Variants in NYAP2 observed in about 807,000 individuals in gnomAD.
The protein encoded by NYAP2 is neuronal tyrosine-phosphorylated phosphoinositide-3-kinase adaptor 2.
NYAP2 carries 23 observed loss-of-function variants against 50.4 expected under a neutral mutation model. That is an observed-to-expected ratio of 0.46 (90% CI 0.33 to 0.65). The LOEUF (loss-of-function observed/expected upper bound fraction) is 0.65, where lower values mean the gene tolerates loss of function less well. Ranked by LOEUF, NYAP2 falls within the 30% of genes least tolerant of loss-of-function variation. NYAP2 has a pLI of 0.02. For missense variants in NYAP2, 885 were observed against 861.0 expected (o/e 1.03, Z -0.35); for synonymous variants, 394 against 365.2 (o/e 1.08, Z -0.90).
chr2:225,619,019 T>C (rs916066396), intron 5 of NYAP2, among the ~76,000 whole-genome samples: 5 of 152,172 alleles, frequency 3.3e-5, no homozygotes, highest in Non-Finnish European at 1.5e-5. Context: ...ATGACATAGA[T>C]TAGACGATTG....
At chr2:225,463,136 G>A (rs1302686392) in intron 3 of NYAP2, among the ~76,000 whole-genome samples, 1 of 152,214 alleles carries the variant, frequency 6.6e-6, no homozygotes, top group Non-Finnish European at 1.5e-5. Flanking sequence ...CTAACACTGT[G>A]GATTCCAAAC....
At chr2:225,576,211 G>T (rs1009743956) in intron 4 of NYAP2, among the ~76,000 whole-genome samples, 4 of 152,198 alleles carry the variant, frequency 2.6e-5, no homozygotes, top group Non-Finnish European at 4.4e-5. Context: ...TGACCACACT[G>T]TTGAGCCAGT....
At chr2:225,428,228 G>A (rs925905035) in intron 3 of NYAP2, among the ~76,000 whole-genome samples, 1 of 152,060 alleles carries the variant, frequency 6.6e-6, no homozygotes, top group African/African-American at 2.4e-5. Context: ...ATTCATTTTT[G>A]TCCCAGTCAT....
At chr2:225,492,476 T>G (rs755331512) in intron 3 of NYAP2, among the ~76,000 whole-genome samples, 18 of 152,204 alleles carry the variant, frequency 1.2e-4, no homozygotes, top group Non-Finnish European at 2.5e-4. Flanking sequence ...AATAAACTTG[T>G]CACATAAGAA....
At chr2:225,661,648 C>T in the NYAP2 span, among the ~76,000 whole-genome samples, 1 of 152,072 alleles carries the variant, frequency 6.6e-6, no homozygotes, top group Non-Finnish European at 1.5e-5. Flanking sequence ...AGATATAAAA[C>T]CAGGTAGTTC....
the NYAP2 span, among the ~76,000 whole-genome samples, chr2:225,681,694 T>G: frequency 1.3e-5 from 2 of 152,210 alleles, no homozygotes; most frequent in African/African-American, 2.4e-5. Flanking sequence ...ATAATCTCAC[T>G]GCATTTATGC....
chr2:225,408,095 G>A (rs993116583), intron 2 of NYAP2, among the ~76,000 whole-genome samples: 2 of 151,742 alleles, frequency 1.3e-5, no homozygotes, highest in African/African-American at 4.8e-5. Flanking sequence ...ATGCTTTTTT[G>A]TTTTGTTTTG....
At chr2:225,664,595 A>G in the NYAP2 span, among the ~76,000 whole-genome samples, 113,615 of 152,034 alleles carry the variant, frequency 0.75, 42,706 homozygotes, top group Middle Eastern at 0.85. Context: ...GCGGCCGGGC[A>G]CGGTGGCTTA....
At chr2:225,593,920 T>A (rs1485895791) in intron 5 of NYAP2, among the ~76,000 whole-genome samples, 1 of 152,246 alleles carries the variant, frequency 6.6e-6, no homozygotes, top group African/African-American at 2.4e-5. Flanking sequence ...AAAGCAGCTA[T>A]GCTGAATGCT....
intron 3 of NYAP2, among the ~76,000 whole-genome samples, chr2:225,456,430 C>G (rs145188241): frequency 6.6e-6 from 1 of 152,176 alleles, no homozygotes; most frequent in South Asian, 2.1e-4. Flanking sequence ...TCTTCACTCC[C>G]TTCTGTAAGA....
chr2:225,680,064 G>A, the NYAP2 span, among the ~76,000 whole-genome samples: 1 of 152,108 alleles, frequency 6.6e-6, no homozygotes, highest in East Asian at 1.9e-4. Flanking sequence ...TACTATGACT[G>A]TTCAGTTTCC....
the NYAP2 span, among the ~76,000 whole-genome samples, chr2:225,663,267 C>T: frequency 3.3e-5 from 5 of 152,148 alleles, no homozygotes; most frequent in Non-Finnish European, 5.9e-5. Context: ...AGTTTGATCA[C>T]AGGTTTAGCA....
At chr2:225,435,603 T>A (rs17410156) in intron 3 of NYAP2, among the ~76,000 whole-genome samples, 9,324 of 152,320 alleles carry the variant, frequency 0.061, 323 homozygotes, top group Middle Eastern at 0.092. Context: ...CATTCCTAAT[T>A]ATTAAAATGC....
intron 4 of NYAP2, among the ~76,000 whole-genome samples, chr2:225,527,420 G>T (rs1054085709): frequency 3.3e-5 from 5 of 152,196 alleles, no homozygotes; most frequent in Non-Finnish European, 5.9e-5. Flanking sequence ...TAGGGTGTCA[G>T]CTGAAGCTGG....
chr2:225,691,975 G>A, the NYAP2 span, among the ~76,000 whole-genome samples: 1 of 152,046 alleles, frequency 6.6e-6, no homozygotes, highest in South Asian at 2.1e-4. Context: ...TGACAATGTT[G>A]CCCCAGATCA....
intron 3 of NYAP2, among the ~76,000 whole-genome samples, chr2:225,501,474 G>A (rs1690605894): frequency 6.6e-6 from 1 of 152,206 alleles, no homozygotes; most frequent in African/African-American, 2.4e-5. Flanking sequence ...GATATTGGTA[G>A]CCTCTAATTT....
chr2:225,589,615 A>C (rs1269720931), intron 5 of NYAP2, among the ~76,000 whole-genome samples: 1 of 149,240 alleles, frequency 6.7e-6, no homozygotes, highest in Non-Finnish European at 1.5e-5. Flanking sequence ...GGATCAGTTG[A>C]GTCTGGGAGT....
chr2:225,519,805 T>G (rs1691014562), intron 4 of NYAP2, among the ~76,000 whole-genome samples: 1 of 152,180 alleles, frequency 6.6e-6, no homozygotes, highest in African/African-American at 2.4e-5. Context: ...GATGGCTGGG[T>G]CAAATGGTAT....
chr2:225,407,286 T>C (rs1694957418), intron 2 of NYAP2, among the ~76,000 whole-genome samples: 1 of 152,042 alleles, frequency 6.6e-6, no homozygotes, highest in Non-Finnish European at 1.5e-5. Context: ...GATGGACTGA[T>C]AGTAAAATAC....
Sources: gnomAD v4.1 joint callset for allele counts (sites outside exome capture counted in the v4.1 genomes callset) on GRCh38, gnomAD v4.1.1 for gene constraint, MANE v1.5 for transcripts, NCBI Gene and HGNC (gene_info 2026-07-23, HGNC 2026-07-21) for gene names.